CCSER1: variants seen among roughly 807,000 people sequenced by gnomAD.
CCSER1 encodes coiled-coil serine rich protein 1.
A neutral mutation model predicts 82.0 loss-of-function variants in CCSER1; 41 were observed. The ratio of observed to expected loss-of-function variants is 0.50; its 90% CI spans 0.39 to 0.65. The LOEUF (loss-of-function observed/expected upper bound fraction) is 0.65, where lower values mean the gene tolerates loss of function less well. CCSER1 is among the 30% of genes least tolerant of loss of function. The pLI, the probability that CCSER1 is intolerant of heterozygous loss-of-function variation, is 0.00. For missense variants in CCSER1, 1,119 were observed against 1,064.2 expected, an observed-to-expected ratio of 1.05 and a Z score of -0.72; for synonymous variants, 414 against 383.9, an observed-to-expected ratio of 1.08 and a Z score of -0.92.
At chr4:90,423,607 T>C (rs2153562113) in intron 4 of CCSER1, among the ~76,000 whole-genome samples, 1 of 152,250 alleles carries the variant, frequency 6.6e-6, no homozygotes, top group South Asian at 2.1e-4. Context: ...CCTGAGTAGC[T>C]GGGATTACAG....
chr4:90,667,908 C>A (rs552659798), intron 6 of CCSER1, among the ~76,000 whole-genome samples: 7 of 152,222 alleles, frequency 4.6e-5, no homozygotes, highest in African/African-American at 1.7e-4. Flanking sequence ...GACTGAAAAT[C>A]TATGCTAAAC....
At chr4:90,817,281 G>A (rs1375508714) in intron 8 of CCSER1, among the ~76,000 whole-genome samples, 3 of 152,032 alleles carry the variant, frequency 2.0e-5, no homozygotes, top group African/African-American at 7.2e-5. Flanking sequence ...TACTTTGTCA[G>A]AGAGTGCTTA....
At chr4:91,333,406 T>C (rs746981798) in intron 10 of CCSER1, among the ~76,000 whole-genome samples, 24 of 152,220 alleles carry the variant, frequency 1.6e-4, no homozygotes, top group Admixed American at 3.9e-4. Flanking sequence ...GCAAGGACTC[T>C]AGCTATCTGT....
At chr4:90,878,676 C>T (rs547751816) in intron 8 of CCSER1, among the ~76,000 whole-genome samples, 13 of 152,216 alleles carry the variant, frequency 8.5e-5, no homozygotes, top group Admixed American at 3.9e-4. Context: ...ATTAAAAACT[C>T]GCTTAAGATA....
chr4:91,442,877 C>T (rs910274141), intron 10 of CCSER1, among the ~76,000 whole-genome samples: 1 of 152,178 alleles, frequency 6.6e-6, no homozygotes, highest in Non-Finnish European at 1.5e-5. Context: ...AAAAACTGCT[C>T]ACCATCACTG....
intron 1 of CCSER1, among the ~76,000 whole-genome samples, chr4:90,289,384 A>G (rs1730504904): frequency 6.6e-6 from 1 of 151,896 alleles, no homozygotes; most frequent in Non-Finnish European, 1.5e-5. Context: ...TAGTAAAAAG[A>G]TAATTTGAAA....
rs1554035136 is a variant in CCSER1 at position 90,879,541 on chromosome 4, A to AGG, written c.2095-43829_2095-43828insGG. On this transcript the variant is annotated intron_variant, in intron 8 of 10. Coordinates refer to ENST00000509176, the MANE Select transcript of CCSER1 (RefSeq NM_001145065.2). ...GAGGAAGAGGAAGAGGAAGAAGAAG[A>AGG]AAGAAGAAGAAGAGGAAGAAGAAGA... is the stretch of plus-strand genomic sequence containing the variant. Among the ~76,000 whole-genome samples the AGG allele has an allele frequency of 1.7e-3, 231 of 135,214 alleles. 1 individual carries two copies. Among genetic ancestry groups the AGG allele is most frequent in the African/African-American group, 5.9e-3 (218 of 37,098 alleles). 88.7% of individuals were successfully genotyped at this position (135,214 alleles called of 152,430 possible). A position where few individuals can be genotyped will look rare whatever the true frequency, so the allele number is the denominator to read the frequency against.
chr4:90,526,267 C>T (rs944808472), intron 5 of CCSER1, among the ~76,000 whole-genome samples: 3 of 152,216 alleles, frequency 2.0e-5, no homozygotes, highest in South Asian at 2.1e-4. Context: ...AAACCAATTT[C>T]GCTGTATTTC....
intron 3 of CCSER1, among the ~76,000 whole-genome samples, chr4:90,329,055 C>CT (rs1369568092): frequency 6.6e-6 from 1 of 152,092 alleles, no homozygotes; most frequent in African/African-American, 2.4e-5. Context: ...AGAATATGCA[C>CT]TTGTATTTTA....
rs564347124 is a variant in CCSER1, at chr4:90,149,340, A to G, written c.-42+21509A>G. Among the ~76,000 whole-genome samples, 3 of 152,256 alleles carry G rather than the reference A, an allele frequency of 2.0e-5. No individual in the cohort carries two copies. The East Asian group carries it at 5.8e-4, about 29-fold the overall frequency. Reference sequence around the variant, plus strand: ...ATGGAGGCTAACCAAAGTTTTGTTCATGAACATTTGCTATTTTATTGTTGC... The same window carrying G: ...ATGGAGGCTAACCAAAGTTTTGTTCGTGAACATTTGCTATTTTATTGTTGC... On this transcript the variant is annotated intron_variant, in intron 1 of 10. Transcript: ENST00000509176.
intron 10 of CCSER1, among the ~76,000 whole-genome samples, chr4:91,226,866 A>G (rs1190494562): frequency 6.6e-6 from 1 of 151,848 alleles, no homozygotes; most frequent in African/African-American, 2.4e-5. Flanking sequence ...TTTGAATATC[A>G]CTTCAATAGT....
At chr4:91,031,110 T>C (rs1314984041) in intron 9 of CCSER1, among the ~76,000 whole-genome samples, 1 of 152,212 alleles carries the variant, frequency 6.6e-6, no homozygotes, top group Non-Finnish European at 1.5e-5. Context: ...CGGATATTTT[T>C]CACTGTGGCT....
chr4:91,326,731 C>CA (rs1338104760), intron 10 of CCSER1, among the ~76,000 whole-genome samples: 1 of 151,956 alleles, frequency 6.6e-6, no homozygotes, highest in Non-Finnish European at 1.5e-5. Flanking sequence ...GCCTGTAAAA[C>CA]AAAAAACAAG....
At chr4:90,517,292 T>C (rs1772421855) in intron 5 of CCSER1, among the ~76,000 whole-genome samples, 1 of 152,160 alleles carries the variant, frequency 6.6e-6, no homozygotes, top group African/African-American at 2.4e-5. Flanking sequence ...TTATATTATA[T>C]AGAAAAATCT....
At chr4:90,257,680 A>T (rs1169707532) in intron 1 of CCSER1, among the ~76,000 whole-genome samples, 2 of 152,168 alleles carry the variant, frequency 1.3e-5, no homozygotes, top group Non-Finnish European at 2.9e-5. Context: ...TCACACGATT[A>T]TGGAGGTTGG....
chr4:91,595,522 A>G (rs1464223343), intron 10 of CCSER1, among the ~76,000 whole-genome samples: 1 of 152,090 alleles, frequency 6.6e-6, no homozygotes, highest in Non-Finnish European at 1.5e-5. Flanking sequence ...TGTTACTGTG[A>G]TGATGATGAT....
intron 5 of CCSER1, among the ~76,000 whole-genome samples, chr4:90,483,928 A>G (rs576330890): frequency 1.6e-3 from 249 of 152,304 alleles, no homozygotes; most frequent in African/African-American, 5.7e-3. Flanking sequence ...CTGCCTTGCT[A>G]GATTGGGGAA....
intron 10 of CCSER1, among the ~76,000 whole-genome samples, chr4:91,570,607 C>A (rs1763128212): frequency 6.6e-6 from 1 of 152,194 alleles, no homozygotes; most frequent in Non-Finnish European, 1.5e-5. Flanking sequence ...TACCTTGGCC[C>A]CCTTTAGCCA....
chr4:90,814,911 A>G (rs1223839317), intron 7 of CCSER1, among the ~76,000 whole-genome samples: 1 of 152,130 alleles, frequency 6.6e-6, no homozygotes, highest in Non-Finnish European at 1.5e-5. Context: ...AAACTGTTCC[A>G]ACCTCTGCCC....
Sources: gnomAD v4.1 joint callset for allele counts (sites outside exome capture counted in the v4.1 genomes callset) on GRCh38, gnomAD v4.1.1 for gene constraint, MANE v1.5 for transcripts, NCBI Gene and HGNC (gene_info 2026-07-23, HGNC 2026-07-21) for gene names.